CD8B: variants seen among roughly 807,000 people sequenced by gnomAD.
The protein encoded by CD8B is T-cell surface glycoprotein CD8 beta chain.
A neutral mutation model predicts 24.2 loss-of-function variants in CD8B; 6 were observed. The observed-to-expected ratio is 0.25, with a 90% confidence interval of 0.14 to 0.49. The LOEUF (loss-of-function observed/expected upper bound fraction) is 0.49, where lower values mean the gene tolerates loss of function less well. Among genes scored for constraint, CD8B ranks in the 20% least tolerant of loss-of-function variants. The probability of loss-of-function intolerance (pLI) is 0.98; values close to 1 mark genes in which losing one functional copy is unlikely to be tolerated. For missense variants in CD8B, 196 were observed against 271.3 expected (o/e 0.72, Z 1.95); for synonymous variants, 84 against 108.3 (o/e 0.78, Z 1.39).
At position 86,839,829 on chromosome 2, in the gene CD8B, G is replaced by A. The variant is rs1675336303; in HGVS notation, c.*2478C>T. Among the ~76,000 whole-genome samples, 1 of 152,226 alleles carries A rather than the reference G, an allele frequency of 6.6e-6. No individual in the cohort carries two copies. The highest frequency in any genetic ancestry group is 1.5e-5 in the Non-Finnish European group (1 of 68,050). ...CACTGGGTGTGAGCCTTCAAGGAGG[G>A]CAGACCATGTGCACTGCAGGCCTTA... On this transcript the variant is annotated 3_prime_UTR_variant, in exon 6 of 6. Transcript: ENST00000390655.
At chr2:86,856,758 G>T (rs190094847) in intron 2 of CD8B, among the ~76,000 whole-genome samples, 6,268 of 150,558 alleles carry the variant, frequency 0.042, 220 homozygotes, top group Middle Eastern at 0.082. Context: ...TATGCCACAG[G>T]TGCTGCTGAG....
chr2:86,855,643 A>G (rs1407712751), intron 2 of CD8B, among the ~76,000 whole-genome samples: 3 of 152,242 alleles, frequency 2.0e-5, no homozygotes, highest in Non-Finnish European at 4.4e-5. Flanking sequence ...CTATTGTAAG[A>G]GGAAACTGTC....
At chr2:86,853,181 G>A (rs1676061832) in intron 2 of CD8B, 95 bp from the exon 3 acceptor site, 2 of 1,542,042 alleles carry the variant, frequency 1.3e-6, no homozygotes, top group Admixed American at 4.0e-5. Flanking sequence ...GGTGGCTCAT[G>A]CCTGGAATCC....
At chr2:86,845,183 G>C (rs985663215) in intron 4 of CD8B, among the ~76,000 whole-genome samples, 20 of 152,292 alleles carry the variant, frequency 1.3e-4, no homozygotes, top group Non-Finnish European at 2.4e-4. Flanking sequence ...GGGAAACTGA[G>C]ACACAGAGTG....
At chr2:86,854,726 C>T (rs1271967651) in intron 2 of CD8B, among the ~76,000 whole-genome samples, 1 of 151,856 alleles carries the variant, frequency 6.6e-6, no homozygotes, top group Non-Finnish European at 1.5e-5. Context: ...AAACAGATCT[C>T]TCTGCACTGA....
rs1256206345 is a variant in CD8B, at chr2:86,838,507, A to T, written c.*3800T>A. 6.6e-6 allele frequency among the ~76,000 whole-genome samples: 1 copy of T among 152,018 alleles called. No individual in the cohort carries two copies. Among genetic ancestry groups the T allele is most frequent in the Non-Finnish European group, 1.5e-5 (1 of 67,992 alleles). On this transcript the variant is annotated 3_prime_UTR_variant, in exon 6 of 6. Transcript: ENST00000390655. ...AAAAACAAGAAACTTTTTAGAAAAA[A>T]TTTATTTTTGAGACAAGGTCTGTCT... is the stretch of plus-strand genomic sequence containing the variant.
chr2:86,817,641 A>C (rs558650292), intron 5 of CD8B, among the ~76,000 whole-genome samples: 1 of 152,352 alleles, frequency 6.6e-6, no homozygotes, highest in East Asian at 1.9e-4. Flanking sequence ...GTATAAAAAA[A>C]GCCTGGAGGC....
chr2:86,853,425 G>T (rs1188516606), intron 2 of CD8B, among the ~76,000 whole-genome samples: 3 of 152,114 alleles, frequency 2.0e-5, no homozygotes, highest in African/African-American at 7.2e-5. Context: ...CTGGACGACA[G>T]AGCAAGACCC....
chr2:86,851,694 T>A (rs1434295929), intron 3 of CD8B, among the ~76,000 whole-genome samples: 1 of 152,166 alleles, frequency 6.6e-6, no homozygotes, highest in Non-Finnish European at 1.5e-5. Flanking sequence ...GGGCTGCTTG[T>A]GGTTTGTTTT....
downstream of CD8B, among the ~76,000 whole-genome samples, chr2:86,836,116 G>A (rs955475391): frequency 2.0e-5 from 3 of 151,978 alleles, 1 homozygote; most frequent in African/African-American, 7.2e-5. Context: ...GCACAGAAAG[G>A]TGGGTGGGTG....
intron 5 of CD8B, among the ~76,000 whole-genome samples, chr2:86,828,306 T>TTG (rs72236144): frequency 0.052 from 7,506 of 143,358 alleles, 195 homozygotes; most frequent in African/African-American, 0.07. Flanking sequence ...ATAACTGGAA[T>TTG]TGTGTGTGTG....
rs746569858 is a variant in CD8B at position 86,829,095 on chromosome 2, C to CTTTTTTTTTTT, written c.621-13388_621-13378dup. 6.5e-4 allele frequency among the ~76,000 whole-genome samples: 54 copies of CTTTTTTTTTTT among 82,986 alleles called. 8 individuals carry two copies. The highest frequency in any genetic ancestry group is 1.3e-3 in the Admixed American group (7 of 5,198). 54.4% of individuals were successfully genotyped at this position (82,986 alleles called of 152,430 possible). On this transcript the variant is annotated intron_variant, in intron 5 of 5. Transcript: ENST00000331469. ...TTACCATTTTGGCATATGCTCTTTA[C>CTTTTTTTTTTT]TTTTTTTTTTTTTTTTTTTTTTGAG...
At chr2:86,836,326 C>T (rs1334400633), downstream of CD8B, among the ~76,000 whole-genome samples, 2 of 152,172 alleles carry the variant, frequency 1.3e-5, no homozygotes, top group Admixed American at 1.3e-4. Flanking sequence ...CAGGCCTCGG[C>T]CCTGGGCTAC....
chr2:86,856,739 T>G (rs1423261247), intron 2 of CD8B, among the ~76,000 whole-genome samples: 1 of 151,310 alleles, frequency 6.6e-6, no homozygotes, highest in Non-Finnish European at 1.5e-5. Context: ...CTAAATGCCT[T>G]CTGTCCAATA....
chr2:86,845,914 G>T (rs901492733), intron 4 of CD8B, among the ~76,000 whole-genome samples: 13 of 152,188 alleles, frequency 8.5e-5, no homozygotes, highest in Admixed American at 3.3e-4. Flanking sequence ...AGGGGTCTGT[G>T]ACCTACAAAA....
intron 3 of CD8B, among the ~76,000 whole-genome samples, chr2:86,850,379 C>T (rs1675916097): frequency 6.6e-6 from 1 of 152,102 alleles, no homozygotes; most frequent in Admixed American, 6.5e-5. Flanking sequence ...ACCTAAGCCT[C>T]AAGGGGCAGT....
chr2:86,823,561 G>T (rs148363276), intron 5 of CD8B, among the ~76,000 whole-genome samples: 1 of 152,116 alleles, frequency 6.6e-6, no homozygotes, highest in Admixed American at 6.5e-5. Flanking sequence ...ATTACAAAGC[G>T]AGCCACAAGC....
chr2:86,861,861 C>G lies in CD8B; in HGVS notation c.5G>C (p.Arg2Pro). Residue 2 changes from arginine (R) to proline (P), a missense_variant, in exon 1 of 6, where the codon CGG becomes CCG. By Grantham distance (103) the Arg-to-Pro change is moderately radical (BLOSUM62 -2). Transcript: ENST00000390655. ...GGCCAAGAGGAGCCACAGCCGCGGC[C>G]GCATCGTGGCGCGCCCGGGACACCT... M[R>P]PRLWLLLAAQ... 4 of 1,277,284 alleles carry G rather than the reference C, an allele frequency of 3.1e-6. No homozygotes were observed. Among genetic ancestry groups the G allele is most frequent in the Non-Finnish European group, 3.9e-6 (4 of 1,013,266 alleles). 79.1% of individuals were successfully genotyped at this position (1,277,284 alleles called of 1,614,324 possible).
intron 5 of CD8B, chr2:86,822,247 AG>A: frequency 2.5e-6 from 2 of 803,656 alleles, no homozygotes; most frequent in Non-Finnish European, 4.0e-6. Context: ...AAAAAAAAAA[AG>A]ATGATATCTG....
Sources: allele counts gnomAD v4.1 joint callset (sites outside exome capture counted in the v4.1 genomes callset), GRCh38; gene constraint gnomAD v4.1.1; transcripts MANE v1.5; gene names NCBI Gene and HGNC (gene_info 2026-07-23, HGNC 2026-07-21).